Variants in SEMA6D observed in about 807,000 individuals in gnomAD.
SEMA6D encodes the protein semaphorin 6D, also known as semaphorin-6D.
Under a neutral mutation model 106.6 loss-of-function variants are expected in SEMA6D, and 35 were observed. The ratio of observed to expected loss-of-function variants is 0.33; its 90% CI spans 0.25 to 0.44. The LOEUF (loss-of-function observed/expected upper bound fraction) is 0.44. SEMA6D is among the 20% of genes least tolerant of loss of function. The pLI, the probability that SEMA6D is intolerant of heterozygous loss-of-function variation, is 1.00. For missense variants in SEMA6D, 1,185 were observed against 1,345.9 expected (o/e 0.88, Z 1.87); for synonymous variants, 499 against 487.7 (o/e 1.02, Z -0.31).
intron 4 of SEMA6D, among the ~76,000 whole-genome samples, chr15:47,602,491 G>T (rs781174093): frequency 1.3e-5 from 2 of 151,792 alleles, no homozygotes; most frequent in Non-Finnish European, 2.9e-5. Context: ...AGATAACAAT[G>T]CTGGGAGGGG....
At chr15:47,249,561 A>G (rs1363789138) in intron 1 of SEMA6D, among the ~76,000 whole-genome samples, 1 of 151,488 alleles carries the variant, frequency 6.6e-6, no homozygotes, top group Non-Finnish European at 1.5e-5. Context: ...CTTATGTTCT[A>G]AGAAAAGGTT....
intron 4 of SEMA6D, among the ~76,000 whole-genome samples, chr15:47,618,481 A>C (rs183209988): frequency 1.8e-4 from 28 of 152,294 alleles, no homozygotes; most frequent in Non-Finnish European, 1.0e-4. Context: ...GCATTCAATC[A>C]ATGAGTTGCA....
rs1023254403 is a variant in SEMA6D at position 47,758,451 on chromosome 15, G to T, written c.-54-1294G>T. ...AAGTGACAGTTTTGGTTGAGGGGGG[G>T]GTGTTATTGTTGCAAAGTAGAACAC... On this transcript the variant is annotated intron_variant, in intron 1 of 18. Coordinates refer to ENST00000536845, the MANE Select transcript of SEMA6D (RefSeq NM_001358351.3). 3.1e-3 allele frequency among the ~76,000 whole-genome samples: 472 copies of T among 152,022 alleles called. 2 individuals are homozygous for T. The highest frequency in any genetic ancestry group is 5.2e-3 in the Non-Finnish European group (356 of 67,956).
At chr15:47,717,814 A>C (rs2079176425) in intron 1 of SEMA6D, 122 bp downstream of exon 1, 1 of 113,846 alleles carries the variant, frequency 8.8e-6, no homozygotes, top group Non-Finnish European at 1.7e-5. Context: ...GGGGGTCGGA[A>C]CCTGAGATCC....
At chr15:47,225,710 A>T (rs1323297593) in intron 1 of SEMA6D, among the ~76,000 whole-genome samples, 2 of 151,412 alleles carry the variant, frequency 1.3e-5, no homozygotes, top group Admixed American at 6.6e-5. Context: ...GTATTTTTTT[A>T]GTAGAGATGG....
rs570021779 is a variant in SEMA6D, at chr15:47,768,485, A to C, written c.1766-96A>C. ...ACAAAATCCTAGAGCAAACTTTCTCATAAAATTTACTCAAACTTTATTTAA... is the reference window on the plus strand; with the variant it reads ...ACAAAATCCTAGAGCAAACTTTCTCCTAAAATTTACTCAAACTTTATTTAA... On this transcript the variant is annotated intron_variant, in intron 17 of 18. Coordinates refer to ENST00000536845, the MANE Select transcript of SEMA6D (RefSeq NM_001358351.3). The C allele has an allele frequency of 5.4e-4, 593 of 1,104,100 alleles. 2 individuals are homozygous for C. In the African/African-American group the frequency reaches 8.4e-3, roughly 16 times the overall value. The allele number at this position is 1,104,100 out of a possible 1,614,324, so 68.4% of individuals were successfully genotyped here.
chr15:47,256,788 G>A (rs2033826772), intron 1 of SEMA6D, among the ~76,000 whole-genome samples: 1 of 152,084 alleles, frequency 6.6e-6, no homozygotes, highest in African/African-American at 2.4e-5. Context: ...GAACCCGGGA[G>A]GTGGAGGTTG....
In SEMA6D at chr15:47,593,951, C is replaced by T. The variant is rs1236561702; in HGVS notation, c.-86-6914C>T. ...CCACCCTCATGAGCTAGTCAGCTCC[C>T]GCCAGACCCCCATCTCCAACATTGG... On this transcript the variant is annotated intron_variant, in intron 3 of 19. Coordinates refer to the SEMA6D transcript ENST00000558014. Among the ~76,000 whole-genome samples, 6 of 152,250 alleles carry T rather than the reference C, an allele frequency of 3.9e-5. No homozygotes were observed. In the East Asian group the frequency reaches 5.8e-4, roughly 15 times the overall value.
chr15:47,207,993 GCACACACACACACACACA>G (rs57079521), intron 1 of SEMA6D, among the ~76,000 whole-genome samples: 190 of 89,444 alleles, frequency 2.1e-3, no homozygotes, highest in African/African-American at 6.4e-3. Context: ...TGGCGCGCGC[GCACACACACACACACACA>G]CACACACACA....
intron 2 of SEMA6D, among the ~76,000 whole-genome samples, chr15:47,455,208 C>T (rs1366536999): frequency 6.6e-6 from 1 of 151,652 alleles, no homozygotes; most frequent in Admixed American, 6.6e-5. Flanking sequence ...CAGGAGTTGG[C>T]AGGACAATTG....
intron 1 of SEMA6D, among the ~76,000 whole-genome samples, chr15:47,349,542 C>T (rs1249017054): frequency 6.6e-6 from 1 of 152,004 alleles, no homozygotes; most frequent in Non-Finnish European, 1.5e-5. Flanking sequence ...GGGCCTTTGT[C>T]TGATTGTTTT....
intron 3 of SEMA6D, chr15:47,581,409 T>C: frequency 2.1e-6 from 1 of 486,652 alleles, no homozygotes; most frequent in Non-Finnish European, 4.1e-6. Flanking sequence ...GGGAAGTAGT[T>C]TGAGAAAAGT....
At chr15:47,274,082 C>T (rs972345650) in intron 1 of SEMA6D, 1 of 152,116 alleles carries the variant, frequency 6.6e-6, no homozygotes, top group African/African-American at 2.4e-5. Context: ...CCCATTATTG[C>T]TGTGTGGGCA....
At chr15:47,457,733 G>A (rs896087184) in intron 2 of SEMA6D, among the ~76,000 whole-genome samples, 3 of 151,870 alleles carry the variant, frequency 2.0e-5, no homozygotes, top group African/African-American at 7.2e-5. Context: ...AAAAATATTT[G>A]AGGAAATAAT....
At chr15:47,296,784 A>G (rs1406779562) in intron 1 of SEMA6D, among the ~76,000 whole-genome samples, 2 of 152,218 alleles carry the variant, frequency 1.3e-5, no homozygotes, top group African/African-American at 4.8e-5. Flanking sequence ...ATTTAGGGCC[A>G]TGTTTGAGGA....
At chr15:47,425,963 G>A (rs2041324057) in intron 2 of SEMA6D, among the ~76,000 whole-genome samples, 1 of 152,020 alleles carries the variant, frequency 6.6e-6, no homozygotes, top group Non-Finnish European at 1.5e-5. Flanking sequence ...TTTTGTGTGT[G>A]TATTGGCTAT....
chr15:47,766,724 A>T, intron 16 of SEMA6D, 47 bp downstream of exon 16: 1 of 1,254,776 alleles, frequency 8.0e-7, no homozygotes. Flanking sequence ...TTTTGACCAC[A>T]TTTGCACGTC....
At chr15:47,599,809 A>T in intron 3 of SEMA6D, among the ~76,000 whole-genome samples, 1 of 152,130 alleles carries the variant, frequency 6.6e-6, no homozygotes, top group East Asian at 1.9e-4. Flanking sequence ...TGAACTAATC[A>T]ATCAATTTTG....
At chr15:47,296,952 A>G (rs1299488631) in intron 1 of SEMA6D, among the ~76,000 whole-genome samples, 1 of 152,176 alleles carries the variant, frequency 6.6e-6, no homozygotes, top group Admixed American at 6.5e-5. Flanking sequence ...GGAAAATAAA[A>G]TGGCTGTAAT....
Sources: gnomAD v4.1 joint callset for allele counts (sites outside exome capture counted in the v4.1 genomes callset) on GRCh38, gnomAD v4.1.1 for gene constraint, MANE v1.5 for transcripts, NCBI Gene and HGNC (gene_info 2026-07-23, HGNC 2026-07-21) for gene names.